CRAMP1: variants seen among roughly 807,000 people sequenced by gnomAD.
CRAMP1 encodes the protein protein cramped-like.
A neutral mutation model predicts 115.4 loss-of-function variants in CRAMP1; 50 were observed. The ratio of observed to expected loss-of-function variants is 0.43; its 90% CI spans 0.35 to 0.55. CRAMP1 has a LOEUF of 0.55. Ranked by LOEUF, CRAMP1 falls within the 20% of genes least tolerant of loss-of-function variation. The probability of loss-of-function intolerance (pLI) is 0.01; values close to 1 mark genes in which losing one functional copy is unlikely to be tolerated. For missense variants in CRAMP1, 1,679 were observed against 1,721.7 expected (o/e 0.98, Z 0.44); for synonymous variants, 866 against 745.4 (o/e 1.16, Z -2.64).
rs527303179 is a variant in CRAMP1 at position 1,668,037 on chromosome 16, T to G, written c.3178T>G (p.Ser1060Ala). The G allele has an allele frequency of 4.2e-5, 68 of 1,613,910 alleles. No individual in the cohort carries two copies. In the African/African-American group the frequency reaches 8.8e-4, roughly 21 times the overall value. ...TGGCCTCTCCATACCGCTGTCCTCG[T>G]CAGAGAGCTCCAGCACCCGGCTGTC... ...QNGLSIPLSS[S>A]ESSSTRLSPP... The change falls in exon 18 of 21, where the codon TCA (serine) becomes GCA (alanine). Residue 1060 changes from serine (S) to alanine (A), a missense_variant. Ser to Ala is a moderately conservative substitution (Grantham distance 99, BLOSUM62 1). Coordinates refer to ENST00000397412, the MANE Select transcript of CRAMP1 (RefSeq NM_020825.4).
rs201446092 is a variant in CRAMP1, at chr16:1,656,383, G to A, written c.1626G>A (p.Pro542=). Residue 542 remains proline, a synonymous_variant, in exon 10 of 21, where the codon CCG becomes CCA. Transcript: ENST00000397412. The surrounding 1 kb of genome is among the most constrained non-coding windows in gnomAD (Gnocchi z 5.6). The part of the protein sequence containing the change: ...DSPTREPGAL[P]CACGQLPDLE... ...CCACCCGGGAGCCAGGGGCCTTGCC[G>A]TGTGCCTGTGGCCAGCTCCCAGACC... 570 of 1,596,164 alleles carry A rather than the reference G, an allele frequency of 3.6e-4. No individual in the cohort carries two copies. The highest frequency in any genetic ancestry group is 4.4e-4 in the Non-Finnish European group (515 of 1,171,510).
At chr16:1,641,407 T>C (rs2036631013) in intron 6 of CRAMP1, among the ~76,000 whole-genome samples, 1 of 152,202 alleles carries the variant, frequency 6.6e-6, no homozygotes, top group Admixed American at 6.5e-5. Flanking sequence ...GTGCCGTCTT[T>C]GGCCTCCTCC....
intron 2 of CRAMP1, among the ~76,000 whole-genome samples, chr16:1,619,476 C>G (rs141778673): frequency 6.6e-6 from 1 of 152,136 alleles, no homozygotes; most frequent in Non-Finnish European, 1.5e-5. Context: ...CCACTGCGCC[C>G]GGCACAACAG....
At position 1,662,539 on chromosome 16, in the gene CRAMP1, A is replaced by G. The variant is rs1345696321; in HGVS notation, c.2463A>G (p.Thr821=). 4 of 1,613,998 alleles carry G rather than the reference A, an allele frequency of 2.5e-6. No individual in the cohort carries two copies. In the Admixed American group the frequency reaches 6.7e-5, roughly 27 times the overall value. The part of the protein sequence containing the change: ...RPLLVPGPSS[T]GSNDSDGGLF... ...TCTTGGTGCCTGGTCCCTCCAGCAC[A>G]GGAAGCAATGACTCAGATGGAGGCC... Residue 821 remains threonine, a synonymous_variant, in exon 12 of 21, where the codon ACA becomes ACG. Transcript: ENST00000397412.
chr16:1,655,035 C>G (rs1190843904), intron 8 of CRAMP1, among the ~76,000 whole-genome samples, 184 bp from the exon 9 acceptor site: 1 of 152,368 alleles, frequency 6.6e-6, no homozygotes, highest in East Asian at 1.9e-4. Context: ...CTGGCCATCG[C>G]AGCTGGAAAG....
rs115336213 is a variant in CRAMP1, at chr16:1,674,603, G to A, written c.*558G>A. On this transcript the variant is annotated 3_prime_UTR_variant, in exon 21 of 21. Transcript: ENST00000397412. Reference sequence around the variant, plus strand: ...CCAAGGCAGCAAGAGCATGGATACCGATCACAGGGCTGCTGCGGAGTCGTG... The same window carrying A: ...CCAAGGCAGCAAGAGCATGGATACCAATCACAGGGCTGCTGCGGAGTCGTG... 7 of 155,150 alleles carry A rather than the reference G, an allele frequency of 4.5e-5. No individual in the cohort carries two copies. Among genetic ancestry groups the A allele is most frequent in the East Asian group, 1.9e-4 (1 of 5,252 alleles). 9.6% of individuals were successfully genotyped at this position (155,150 alleles called of 1,614,324 possible).
intron 2 of CRAMP1, among the ~76,000 whole-genome samples, chr16:1,615,412 A>T (rs1351437943): frequency 3.3e-5 from 5 of 152,204 alleles, no homozygotes; most frequent in Non-Finnish European, 7.3e-5. Context: ...ATTGGGGGGA[A>T]GATGGGTAAG....
In CRAMP1 at chr16:1,642,870, C is replaced by T. The variant is rs61743423; in HGVS notation, c.827+1683C>T. Among the ~76,000 whole-genome samples the T allele has an allele frequency of 2.1e-3, 326 of 152,330 alleles. 1 individual carries two copies. Among genetic ancestry groups the T allele is most frequent in the Non-Finnish European group, 3.9e-3 (266 of 68,022 alleles). ...AGGACGGTGCACAGAGTGGCCTGTC[C>T]GATGAGCGTTCCTTTTGCCAAAACA... On this transcript the variant is annotated intron_variant, in intron 6 of 20. Transcript: ENST00000397412.
In CRAMP1 at chr16:1,668,103, G is replaced by C; in HGVS notation, c.3244G>C (p.Gly1082Arg). ...TGCTCTGCTCGACATCTCCCTGCCCGGCCCACCTGAGGATGCGCTGTCACA... is the reference window on the plus strand; with the variant it reads ...TGCTCTGCTCGACATCTCCCTGCCCCGCCCACCTGAGGATGCGCTGTCACA... The part of the protein sequence containing the change: ...VSALLDISLP[G>R]PPEDALSQGE... Residue 1082 changes from glycine to arginine, a missense_variant, in exon 18 of 21, where the codon GGC becomes CGC. By Grantham distance (125) the Gly-to-Arg change is moderately radical. Coordinates refer to ENST00000397412, the MANE Select transcript of CRAMP1 (RefSeq NM_020825.4). 6.2e-7 allele frequency: 1 copy of C among 1,613,520 alleles called. No individual in the cohort carries two copies. The highest frequency in any genetic ancestry group is 8.5e-7 in the Non-Finnish European group (1 of 1,179,880).
chr16:1,641,693 C>T (rs2036633472), intron 6 of CRAMP1, among the ~76,000 whole-genome samples: 1 of 152,222 alleles, frequency 6.6e-6, no homozygotes, highest in Admixed American at 6.5e-5. Flanking sequence ...ACACAAACAA[C>T]CGGGCCCCTG....
Position 1,626,121 on chromosome 16 carries a change from G to A in CRAMP1, c.495G>A (p.Ser165=), listed in dbSNP as rs765728659. 3.4e-5 allele frequency: 52 copies of A among 1,547,742 alleles called. No homozygotes were observed. In the East Asian group the frequency reaches 1.0e-3, roughly 30 times the overall value. The change falls in exon 3 of 21, where the codon TCG becomes TCA. Residue 165 remains serine (S), a synonymous_variant. Transcript: ENST00000397412. ...AAAAGGTCCGGCGGCAGTGGGAGTC[G>A]TGGAGCACAGAGGACAAGAACACCT... ...EGKKVRRQWE[S]WSTEDKNTFF...
At position 1,655,996 on chromosome 16, in the gene CRAMP1, T is replaced by C; in HGVS notation, c.1239T>C (p.Ala413=). The C allele has an allele frequency of 6.2e-7, 1 of 1,612,926 alleles. No homozygotes were observed. The highest frequency in any genetic ancestry group is 1.7e-4 in the Middle Eastern group (1 of 6,060). ...NCTLTPLPGV[A]RVVHSKAFCT... is the part of the protein sequence containing the mutation. ...CACTGACACCGCTGCCGGGCGTGGC[T>C]CGCGTGGTGCACTCCAAGGCCTTCT... The change falls in exon 10 of 21, where the codon GCT becomes GCC. Residue 413 remains alanine (A), a synonymous_variant. Coordinates refer to ENST00000397412, the MANE Select transcript of CRAMP1 (RefSeq NM_020825.4).
intron 11 of CRAMP1, among the ~76,000 whole-genome samples, chr16:1,660,827 C>T (rs995525676): frequency 3.9e-5 from 6 of 151,946 alleles, no homozygotes; most frequent in East Asian, 1.9e-4. Context: ...GCCAACATGG[C>T]GAAACCCTGT....
In CRAMP1 at chr16:1,652,997, G is replaced by A. The variant is rs779183836; in HGVS notation, c.914-36G>A. On this transcript the variant is annotated intron_variant, in intron 7 of 20. Transcript: ENST00000397412. Reference sequence around the variant, plus strand: ...CCTTGGTTTTCTACCTTAAGGTTGGGCTGCACTAAACTTTCATGGTTCTTC... The same window carrying A: ...CCTTGGTTTTCTACCTTAAGGTTGGACTGCACTAAACTTTCATGGTTCTTC... The A allele has an allele frequency of 2.5e-6, 4 of 1,612,718 alleles. No homozygotes were observed. In the South Asian group the frequency reaches 3.3e-5, roughly 13 times the overall value.
rs1363410445 is a variant in CRAMP1, at chr16:1,612,568, C to T, written c.-91C>T. ...TTGCGGCCTCCCTGCAGCCGGCGCTCGGGGGCCGGGGCTGCCCGGCCCGGC... is the reference window on the plus strand; with the variant it reads ...TTGCGGCCTCCCTGCAGCCGGCGCTTGGGGGCCGGGGCTGCCCGGCCCGGC... On this transcript the variant is annotated 5_prime_UTR_variant, in exon 1 of 21. Coordinates refer to ENST00000397412, the MANE Select transcript of CRAMP1 (RefSeq NM_020825.4). The T allele has an allele frequency of 5.3e-5, 8 of 151,882 alleles. No homozygotes were observed. The highest frequency in any genetic ancestry group is 1.2e-4 in the Non-Finnish European group (8 of 68,004). The allele number at this position is 151,882 out of a possible 1,614,324, so 9.4% of individuals were successfully genotyped here. A position where few individuals can be genotyped will look rare whatever the true frequency, so the allele number is the denominator to read the frequency against.
intron 6 of CRAMP1, among the ~76,000 whole-genome samples, chr16:1,646,829 G>A (rs1334493331): frequency 6.6e-6 from 1 of 152,172 alleles, no homozygotes; most frequent in Non-Finnish European, 1.5e-5. Flanking sequence ...ATTAACTTTT[G>A]TGTACCATGT....
intron 2 of CRAMP1, among the ~76,000 whole-genome samples, chr16:1,617,057 C>G (rs2036426611): frequency 6.6e-6 from 1 of 152,058 alleles, no homozygotes; most frequent in South Asian, 2.1e-4. Flanking sequence ...ATCTCCTGAC[C>G]TTGTGATCCT....
chr16:1,651,399 A>T (rs1329519459), intron 6 of CRAMP1, among the ~76,000 whole-genome samples: 1 of 151,592 alleles, frequency 6.6e-6, no homozygotes, highest in Admixed American at 6.6e-5. Context: ...GGTCACGGAG[A>T]GGTGGACTGA....
Position 1,655,320 on chromosome 16 carries a change from G to A in CRAMP1, c.1119+20G>A. The stretch of plus-strand genomic sequence containing the variant: ...CGAGTTGTATCCTTTTCCAGCTAAA[G>A]CAAACCATCCAGGCTGCGCTGCCTC... On this transcript the variant is annotated intron_variant, in intron 9 of 20. Coordinates refer to ENST00000397412, the MANE Select transcript of CRAMP1 (RefSeq NM_020825.4). 6.2e-7 allele frequency: 1 copy of A among 1,606,842 alleles called. No homozygotes were observed. Among genetic ancestry groups the A allele is most frequent in the South Asian group, 1.1e-5 (1 of 90,938 alleles).
Sources: allele counts gnomAD v4.1 joint callset (sites outside exome capture counted in the v4.1 genomes callset), GRCh38; gene constraint gnomAD v4.1.1; non-coding constraint Gnocchi (gnomAD v3.1); transcripts MANE v1.5; gene names NCBI Gene and HGNC (gene_info 2026-07-23, HGNC 2026-07-21).